Variants in CDH13 observed in about 807,000 individuals in gnomAD.
CDH13 encodes the protein cadherin 13, also known as cadherin-13.
A neutral mutation model predicts 63.8 loss-of-function variants in CDH13; 24 were observed. The observed-to-expected ratio is 0.38, with a 90% CI of 0.27 to 0.53. The LOEUF (loss-of-function observed/expected upper bound fraction) is 0.53, where lower values mean the gene tolerates loss of function less well. CDH13 is among the 20% of genes least tolerant of loss of function. The probability of loss-of-function intolerance (pLI) is 0.85; values close to 1 mark genes in which losing one functional copy is unlikely to be tolerated. For synonymous variants in CDH13, 503 were observed against 355.3 expected, an observed-to-expected ratio of 1.42 and a Z score of -4.67; for missense variants, 1,049 against 903.1, an observed-to-expected ratio of 1.16 and a Z score of -2.07.
At chr16:82,985,553 G>A (rs1036357586) in intron 2 of CDH13, among the ~76,000 whole-genome samples, 1 of 152,240 alleles carries the variant, frequency 6.6e-6, no homozygotes, top group African/African-American at 2.4e-5. Context: ...AGATAGGTGC[G>A]TGGTTTTAGA....
intron 2 of CDH13, chr16:82,953,596 T>C (rs925583458): frequency 6.6e-6 from 1 of 152,234 alleles, no homozygotes; most frequent in African/African-American, 2.4e-5. Flanking sequence ...GGCAGTTATA[T>C]GTGCCTTTGA....
intron 3 of CDH13, among the ~76,000 whole-genome samples, chr16:83,116,897 G>C (rs543527065): frequency 6.6e-5 from 10 of 152,322 alleles, no homozygotes; most frequent in African/African-American, 2.4e-4. Flanking sequence ...AGGAGCCTGA[G>C]TGTTCACTGC....
chr16:83,341,563 T>A (rs561589978), intron 5 of CDH13, among the ~76,000 whole-genome samples: 43 of 152,196 alleles, frequency 2.8e-4, no homozygotes, highest in Middle Eastern at 3.2e-3. Context: ...ACATTTCCTA[T>A]TATATATTTT....
intron 1 of CDH13, among the ~76,000 whole-genome samples, chr16:82,809,320 A>C (rs2037322476): frequency 6.6e-6 from 1 of 151,916 alleles, no homozygotes; most frequent in African/African-American, 2.4e-5. Context: ...GTCCAAAAAA[A>C]AAAAATCACT....
rs192450835 is a variant in CDH13, at chr16:83,214,440, C to A, written c.484-2905C>A. Among the ~76,000 whole-genome samples the A allele has an allele frequency of 1.6e-3, 247 of 151,788 alleles. 1 individual carries two copies. The highest frequency in any genetic ancestry group is 5.7e-3 in the African/African-American group (237 of 41,424). On this transcript the variant is annotated intron_variant, in intron 4 of 13. Transcript: ENST00000567109. ...ACTAAAAATATAAAAATTAGCCAGG[C>A]ATGGTGGCGTGTGCCTGTAGTTCCA...
chr16:83,051,776 A>G (rs1461188989), intron 3 of CDH13, among the ~76,000 whole-genome samples: 6 of 152,026 alleles, frequency 3.9e-5, no homozygotes, highest in Admixed American at 6.5e-5. Context: ...TATCCATCAC[A>G]TTATTTGTTG....
intron 1 of CDH13, among the ~76,000 whole-genome samples, chr16:82,669,058 C>A (rs796443233): frequency 3.9e-5 from 6 of 152,298 alleles, no homozygotes; most frequent in African/African-American, 1.4e-4. Context: ...GCGGGATCCA[C>A]AAGCCACGGA....
chr16:83,776,273 C>G (rs142935728), intron 11 of CDH13, among the ~76,000 whole-genome samples: 93 of 152,200 alleles, frequency 6.1e-4, no homozygotes, highest in African/African-American at 2.2e-3. Context: ...ATAATATATT[C>G]AGAGTGAAAA....
In CDH13 at chr16:83,759,873, A is replaced by G. The variant is rs1378165282; in HGVS notation, c.1681+11623A>G. ...AGCCCAGGAGTTCAAGGCTGCAGTG[A>G]GCCATGATCACACCACTGCACTCCA... On this transcript the variant is annotated intron_variant, in intron 11 of 13. Transcript: ENST00000567109. Among the ~76,000 whole-genome samples, 5 of 151,088 alleles carry G rather than the reference A, an allele frequency of 3.3e-5. No homozygotes were observed. The East Asian group carries it at 5.9e-4, about 18-fold the overall frequency.
At chr16:83,559,241 G>A (rs547738271) in intron 7 of CDH13, among the ~76,000 whole-genome samples, 3 of 152,126 alleles carry the variant, frequency 2.0e-5, no homozygotes, top group East Asian at 1.9e-4. Context: ...GCAATGTGTT[G>A]ATCACTTCAC....
At chr16:83,609,198 G>A (rs1908637107) in intron 8 of CDH13, among the ~76,000 whole-genome samples, 5 of 152,058 alleles carry the variant, frequency 3.3e-5, no homozygotes, top group Admixed American at 2.0e-4. Context: ...CTTTGAATGC[G>A]GCCCAACACA....
intron 5 of CDH13, among the ~76,000 whole-genome samples, chr16:83,258,953 A>G (rs962799600): frequency 3.3e-5 from 5 of 152,186 alleles, no homozygotes; most frequent in South Asian, 4.1e-4. Context: ...TCCATTTGAT[A>G]CATAAACAAA....
rs199790692 is a variant in CDH13 at position 83,530,203 on chromosome 16, A to G, written c.960+43548A>G. 5.9e-5 allele frequency among the ~76,000 whole-genome samples: 9 copies of G among 152,324 alleles called. No individual in the cohort carries two copies. The East Asian group carries it at 1.7e-3, about 29-fold the overall frequency. ...TATTCATGATAATTTGTAATAGGTT[A>G]AATGCTTTCAATTAAAGCTTAAGTC... On this transcript the variant is annotated intron_variant, in intron 7 of 13. Coordinates refer to ENST00000567109, the MANE Select transcript of CDH13 (RefSeq NM_001257.5).
Position 83,395,866 on chromosome 16 carries a change from C to G in CDH13, c.781+50860C>G, listed in dbSNP as rs79991390. Among the ~76,000 whole-genome samples the G allele has an allele frequency of 3.3e-5, 5 of 152,212 alleles. No individual in the cohort carries two copies. The East Asian group carries it at 9.7e-4, about 29-fold the overall frequency. Reference sequence around the variant, plus strand: ...GTTTGTTACATAGGTAAACGTGTGTCAAGGGGAGTTGTTGTAGAGATTATC... The same window carrying G: ...GTTTGTTACATAGGTAAACGTGTGTGAAGGGGAGTTGTTGTAGAGATTATC... On this transcript the variant is annotated intron_variant, in intron 6 of 13. Coordinates refer to ENST00000567109, the MANE Select transcript of CDH13 (RefSeq NM_001257.5).
At chr16:83,134,845 C>G (rs1400708482) in intron 4 of CDH13, among the ~76,000 whole-genome samples, 4 of 152,124 alleles carry the variant, frequency 2.6e-5, no homozygotes, top group African/African-American at 7.2e-5. Context: ...GCAAAACTTC[C>G]CTCCATGATC....
intron 1 of CDH13, among the ~76,000 whole-genome samples, chr16:82,631,273 G>A (rs1056475792): frequency 1.3e-5 from 2 of 152,158 alleles, no homozygotes; most frequent in Admixed American, 6.5e-5. Context: ...AAATTTCCTG[G>A]CATTTGACTT....
In CDH13 at chr16:83,798,057, G is replaced by A. The variant is rs904600769; in HGVS notation, c.*3027G>A. 6.6e-6 allele frequency: 1 copy of A among 152,170 alleles called. No homozygotes were observed. Among genetic ancestry groups the A allele is most frequent in the African/African-American group, 2.4e-5 (1 of 41,440 alleles). The allele number at this position is 152,170 out of a possible 1,614,324, so 9.4% of individuals were successfully genotyped here. A position where few individuals can be genotyped will look rare whatever the true frequency, so the allele number is the denominator to read the frequency against. On this transcript the variant is annotated 3_prime_UTR_variant, in exon 14 of 14. Transcript: ENST00000567109. Reference sequence around the variant, plus strand: ...CGAAATAAATCCAGCCAGATTTCATGGTAGGTATCAAATAAGACTTTGGCT... The same window carrying A: ...CGAAATAAATCCAGCCAGATTTCATAGTAGGTATCAAATAAGACTTTGGCT...
At chr16:83,741,514 G>GTATA (rs386385265) in intron 10 of CDH13, among the ~76,000 whole-genome samples, 3 of 151,616 alleles carry the variant, frequency 2.0e-5, no homozygotes, top group Non-Finnish European at 2.9e-5. Flanking sequence ...GTGTGTGTGT[G>GTATA]TATATATATG....
chr16:83,107,965 C>A (rs1047865846), intron 3 of CDH13, among the ~76,000 whole-genome samples: 4 of 151,786 alleles, frequency 2.6e-5, no homozygotes, highest in African/African-American at 7.3e-5. Context: ...ATTACAGGTG[C>A]CTGCCACCAC....
Sources: allele counts gnomAD v4.1 joint callset (sites outside exome capture counted in the v4.1 genomes callset), GRCh38; gene constraint gnomAD v4.1.1; transcripts MANE v1.5; gene names NCBI Gene and HGNC (gene_info 2026-07-23, HGNC 2026-07-21).